Variants in ZSWIM5 observed in about 807,000 individuals in gnomAD.
ZSWIM5 encodes the protein zinc finger SWIM domain-containing protein 5.
In ZSWIM5, 55 loss-of-function variants were observed where a neutral mutation model predicts 119.6. The ratio of observed to expected loss-of-function variants is 0.46; its 90% CI spans 0.37 to 0.58. ZSWIM5 has a LOEUF of 0.58. Ranked by LOEUF, ZSWIM5 falls within the 20% of genes least tolerant of loss-of-function variation. The probability of loss-of-function intolerance (pLI) is 0.00; values close to 1 mark genes in which losing one functional copy is unlikely to be tolerated. For synonymous variants in ZSWIM5, 537 were observed against 606.9 expected (o/e 0.88, Z 1.69); for missense variants, 1,193 against 1,512.8 (o/e 0.79, Z 3.51).
chr1:45,167,711 G>A (rs527981840), intron 1 of ZSWIM5, among the ~76,000 whole-genome samples: 9,450 of 151,936 alleles, frequency 0.062, 360 homozygotes, highest in East Asian at 0.11. Context: ...GCAGCCAACA[G>A]ACACATGAAA....
intron 6 of ZSWIM5, 142 bp from the exon 7 acceptor site, chr1:45,040,680 C>T (rs1645013523): frequency 3.0e-6 from 2 of 659,816 alleles, no homozygotes; most frequent in Admixed American, 7.5e-5. Flanking sequence ...GTGTCTTTAT[C>T]TTTAAGGATA....
At chr1:45,205,641 C>G in intron 1 of ZSWIM5, 115 bp downstream of exon 1, 1 of 1,116,802 alleles carries the variant, frequency 9.0e-7, no homozygotes, top group Non-Finnish European at 1.2e-6. Context: ...CGTCCTTCGG[C>G]AGGGGTACAG....
At chr1:45,062,971 C>T (rs1165781226) in intron 2 of ZSWIM5, among the ~76,000 whole-genome samples, 3 of 152,156 alleles carry the variant, frequency 2.0e-5, no homozygotes, top group African/African-American at 7.2e-5. Context: ...CTTGTCCCTT[C>T]CTTTTCTCTC....
chr1:45,035,637 T>G lies in ZSWIM5; in HGVS notation c.2291+51A>C, dbSNP rs746486975. 6 of 1,595,938 alleles carry G rather than the reference T, an allele frequency of 3.8e-6. No homozygotes were observed. In the South Asian group the frequency reaches 5.5e-5, roughly 15 times the overall value. On this transcript the variant is annotated intron_variant, in intron 10 of 13. Transcript: ENST00000359600. The stretch of plus-strand genomic sequence containing the variant: ...TGAAATAAGCAATGAAAAAGAGCAC[T>G]GGACACTTCTGCTTTGGTGGAGGCA...
At chr1:45,145,886 C>A (rs1206845791) in intron 1 of ZSWIM5, among the ~76,000 whole-genome samples, 1 of 152,038 alleles carries the variant, frequency 6.6e-6, no homozygotes, top group Admixed American at 6.6e-5. Flanking sequence ...TGAGATGGAG[C>A]TGCTAACAAG....
At chr1:45,084,924 C>A (rs1159880392) in intron 2 of ZSWIM5, among the ~76,000 whole-genome samples, 1 of 152,232 alleles carries the variant, frequency 6.6e-6, no homozygotes, top group Non-Finnish European at 1.5e-5. Context: ...CTTCTCAGCT[C>A]CAGTAGGCAG....
chr1:45,055,571 A>G (rs1645117028), intron 4 of ZSWIM5, among the ~76,000 whole-genome samples: 1 of 152,252 alleles, frequency 6.6e-6, no homozygotes, highest in South Asian at 2.1e-4. Context: ...GCAGCTGGAC[A>G]CAGCCTGGAG....
At chr1:45,183,639 GAA>G (rs1278619684) in intron 1 of ZSWIM5, among the ~76,000 whole-genome samples, 3 of 152,062 alleles carry the variant, frequency 2.0e-5, no homozygotes, top group Non-Finnish European at 4.4e-5. Flanking sequence ...AAATAAACTA[GAA>G]AATCTAGAAG....
intron 1 of ZSWIM5, among the ~76,000 whole-genome samples, chr1:45,106,269 C>A (rs1335971362): frequency 1.4e-5 from 2 of 147,172 alleles, no homozygotes; most frequent in Non-Finnish European, 3.0e-5. Context: ...CTCTGCCCCG[C>A]CCCCTCTGGG....
intron 2 of ZSWIM5, among the ~76,000 whole-genome samples, chr1:45,066,349 T>C (rs1645183990): frequency 6.6e-6 from 1 of 152,142 alleles, no homozygotes. Flanking sequence ...GGATATATAA[T>C]GGTAAACAAA....
chr1:45,099,372 A>T (rs978750981), intron 1 of ZSWIM5, among the ~76,000 whole-genome samples: 5 of 152,200 alleles, frequency 3.3e-5, no homozygotes, highest in Non-Finnish European at 5.9e-5. Flanking sequence ...CTCTGAATAG[A>T]CCAATAACAG....
At chr1:45,176,555 G>A (rs576904237) in intron 1 of ZSWIM5, among the ~76,000 whole-genome samples, 25 of 152,170 alleles carry the variant, frequency 1.6e-4, no homozygotes, top group South Asian at 8.3e-4. Context: ...ATGAGCCACC[G>A]CGCCCGGCCT....
At chr1:45,167,468 C>T (rs1332592737) in intron 1 of ZSWIM5, among the ~76,000 whole-genome samples, 1 of 151,844 alleles carries the variant, frequency 6.6e-6, no homozygotes, top group Non-Finnish European at 1.5e-5. Context: ...CCAAAATTGA[C>T]AAATGGGATC....
At chr1:45,205,214 C>T (rs1372955144) in intron 1 of ZSWIM5, among the ~76,000 whole-genome samples, 1 of 151,802 alleles carries the variant, frequency 6.6e-6, no homozygotes, top group Admixed American at 6.6e-5. Context: ...CCTAGATTCC[C>T]AAGCATCACC....
intron 1 of ZSWIM5, among the ~76,000 whole-genome samples, chr1:45,112,456 G>A (rs979282623): frequency 6.6e-6 from 1 of 152,154 alleles, no homozygotes; most frequent in Admixed American, 6.5e-5. Context: ...GAGTTAATAT[G>A]TATGTAGGTA....
chr1:45,036,822 G>A (rs72684425), intron 8 of ZSWIM5, among the ~76,000 whole-genome samples: 7,679 of 152,176 alleles, frequency 0.05, 247 homozygotes, highest in East Asian at 0.12. Context: ...TGGAGACAGA[G>A]TCTTGCTTGG....
At chr1:45,074,021 T>A (rs1645240988) in intron 2 of ZSWIM5, among the ~76,000 whole-genome samples, 1 of 152,028 alleles carries the variant, frequency 6.6e-6, no homozygotes, top group African/African-American at 2.4e-5. Flanking sequence ...TCTGCTGATA[T>A]GATGTATCAT....
intron 11 of ZSWIM5, among the ~76,000 whole-genome samples, chr1:45,022,406 A>G (rs1161148171): frequency 1.3e-5 from 2 of 152,170 alleles, no homozygotes; most frequent in African/African-American, 4.8e-5. Context: ...CTGGGATTAC[A>G]GGTGTGAGCC....
At chr1:45,047,062 G>T (rs1255126749) in intron 5 of ZSWIM5, among the ~76,000 whole-genome samples, 1 of 149,466 alleles carries the variant, frequency 6.7e-6, no homozygotes, top group Non-Finnish European at 1.5e-5. Context: ...TCTGATGACA[G>T]ATCCCTGGGC....
Sources: allele counts gnomAD v4.1 joint callset (sites outside exome capture counted in the v4.1 genomes callset), GRCh38; gene constraint gnomAD v4.1.1; transcripts MANE v1.5; gene names NCBI Gene and HGNC (gene_info 2026-07-23, HGNC 2026-07-21).